IQSEC1: variants seen among roughly 807,000 people sequenced by gnomAD.
IQSEC1 encodes IQ motif and SEC7 domain-containing protein 1.
A neutral mutation model predicts 91.0 loss-of-function variants in IQSEC1; 31 were observed. That is an observed-to-expected ratio of 0.34 (90% confidence interval 0.26 to 0.46). The LOEUF is 0.46. IQSEC1 is among the 20% of genes least tolerant of loss of function. The pLI is 1.00. For synonymous variants in IQSEC1, 699 were observed against 662.6 expected (o/e 1.05, Z -0.84); for missense variants, 1,388 against 1,575.6 (o/e 0.88, Z 2.02).
intron 2 of IQSEC1, among the ~76,000 whole-genome samples, chr3:13,121,809 T>C (rs1039487016): frequency 3.3e-5 from 5 of 152,166 alleles, no homozygotes; most frequent in Non-Finnish European, 5.9e-5. Flanking sequence ...GGCAGTGGGC[T>C]GGGGTCTGAG....
At chr3:13,216,588 G>A (rs969459190) in intron 1 of IQSEC1, among the ~76,000 whole-genome samples, 7 of 152,230 alleles carry the variant, frequency 4.6e-5, no homozygotes, top group Non-Finnish European at 1.5e-5. Context: ...GGGGACCGCA[G>A]GAGGGGCTAG....
chr3:12,944,746 A>G (rs562536389), intron 1 of IQSEC1, among the ~76,000 whole-genome samples: 56 of 152,302 alleles, frequency 3.7e-4, no homozygotes, highest in Admixed American at 2.6e-3. Flanking sequence ...CTAAGTTCAC[A>G]GAAGCACAGA....
At chr3:13,199,522 C>A (rs534091570) in intron 1 of IQSEC1, among the ~76,000 whole-genome samples, 2 of 152,152 alleles carry the variant, frequency 1.3e-5, no homozygotes, top group African/African-American at 4.8e-5. Flanking sequence ...TGAGCAGCAC[C>A]GGTGTCCCTG....
In IQSEC1 at chr3:12,899,297, C is replaced by T. The variant is rs2124952486; in HGVS notation, c.*1686G>A. 3.5e-6 allele frequency: 5 copies of T among 1,422,376 alleles called. No homozygotes were observed. The highest frequency in any genetic ancestry group is 2.4e-5 in the East Asian group (1 of 40,824). The allele number at this position is 1,422,376 out of a possible 1,614,324, so 88.1% of individuals were successfully genotyped here. A position where few individuals can be genotyped will look rare whatever the true frequency, so the allele number is the denominator to read the frequency against. On this transcript the variant is annotated 3_prime_UTR_variant, in exon 14 of 14. Transcript: ENST00000613206. ...CCACGCTGTCCACTGGGAACGCGGC[C>T]CCGCGGCCCGCAGAGTCAGGCGTGA...
At chr3:13,066,412 G>A (rs1001763760) in intron 1 of IQSEC1, among the ~76,000 whole-genome samples, 2 of 152,246 alleles carry the variant, frequency 1.3e-5, no homozygotes, top group Non-Finnish European at 2.9e-5. Flanking sequence ...GTCACAGCGA[G>A]GACTCGCCAC....
rs1039539346 is a variant in IQSEC1 at position 12,994,942 on chromosome 3, G to GGCGGGAGCGCGCCC, written c.24-53091_24-53078dup. The GGCGGGAGCGCGCCC allele has an allele frequency of 6.6e-6, 1 of 152,588 alleles. No homozygotes were observed. Among genetic ancestry groups the GGCGGGAGCGCGCCC allele is most frequent in the Non-Finnish European group, 1.5e-5 (1 of 68,302 alleles). 9.5% of individuals were successfully genotyped at this position (152,588 alleles called of 1,614,324 possible). A position where few individuals can be genotyped will look rare whatever the true frequency, so the allele number is the denominator to read the frequency against. On this transcript the variant is annotated intron_variant, in intron 1 of 13. Coordinates refer to ENST00000613206, the MANE Select transcript of IQSEC1 (RefSeq NM_001134382.3). This position sits in a 1 kb window ranked among gnomAD's most constrained non-coding sequence, Gnocchi z 4.5. ...AGAGGCTGGGCCTGGAAGGGATATG[G>GGCGGGAGCGCGCCC]GCGGGAGCGCGCCCGCGGGGGTGCA...
intron 2 of IQSEC1, among the ~76,000 whole-genome samples, chr3:12,941,121 T>C: frequency 6.6e-6 from 1 of 152,166 alleles, no homozygotes; most frequent in East Asian, 1.9e-4. Flanking sequence ...CCAGAGCTTG[T>C]GATATTTATG....
chr3:13,048,993 G>A (rs553873538), intron 1 of IQSEC1, among the ~76,000 whole-genome samples: 1 of 152,304 alleles, frequency 6.6e-6, no homozygotes, highest in East Asian at 1.9e-4. Flanking sequence ...CATGAGGGGT[G>A]GTGCCAAGAC....
At chr3:12,929,142 G>A (rs1167700498) in intron 3 of IQSEC1, among the ~76,000 whole-genome samples, 4 of 152,180 alleles carry the variant, frequency 2.6e-5, no homozygotes, top group African/African-American at 7.2e-5. Context: ...CTGGCTGGGC[G>A]ACCCAGGGTG....
chr3:12,939,388 T>C (rs371931872), intron 2 of IQSEC1, among the ~76,000 whole-genome samples: 7 of 152,338 alleles, frequency 4.6e-5, no homozygotes, highest in Admixed American at 3.9e-4. Flanking sequence ...CACTCAAGTT[T>C]CCTGCTTCAG....
intron 2 of IQSEC1, among the ~76,000 whole-genome samples, chr3:13,135,213 G>A (rs1365693035): frequency 6.6e-6 from 1 of 152,216 alleles, no homozygotes; most frequent in Non-Finnish European, 1.5e-5. Flanking sequence ...GGCCTCATAA[G>A]CACAGTTCAA....
rs571354666 is a variant in IQSEC1 at position 13,281,486 on chromosome 3, C to G, written c.272+1225G>C. Among the ~76,000 whole-genome samples the G allele has an allele frequency of 1.5e-4, 23 of 152,274 alleles. No homozygotes were observed. In the South Asian group the frequency reaches 4.8e-3, roughly 32 times the overall value. On this transcript the variant is annotated intron_variant, in intron 1 of 15. Transcript: ENST00000648114. The stretch of plus-strand genomic sequence containing the variant: ...GCCATGTATGTGTTCACCCACAGCC[C>G]GACCCCATCCTCACAATGCTCCTCC...
At chr3:13,003,752 T>C (rs150721015) in intron 1 of IQSEC1, among the ~76,000 whole-genome samples, 163 of 152,358 alleles carry the variant, frequency 1.1e-3, no homozygotes, top group African/African-American at 3.7e-3. Context: ...TTTAAGTTAG[T>C]TGTATTTTAG....
chr3:12,997,803 T>G (rs1702278131), intron 1 of IQSEC1, among the ~76,000 whole-genome samples: 1 of 152,228 alleles, frequency 6.6e-6, no homozygotes, highest in Non-Finnish European at 1.5e-5. Context: ...TAGTAGATAT[T>G]TGTGTATCTA....
intron 2 of IQSEC1, among the ~76,000 whole-genome samples, chr3:13,107,484 G>A (rs1227208345): frequency 2.0e-5 from 3 of 152,188 alleles, no homozygotes; most frequent in African/African-American, 4.8e-5. Context: ...ATTACACATG[G>A]AGAAACAGGC....
chr3:13,023,574 T>G (rs373701213), intron 1 of IQSEC1, among the ~76,000 whole-genome samples: 2 of 152,134 alleles, frequency 1.3e-5, no homozygotes, highest in East Asian at 3.9e-4. Context: ...ATCACCTGTC[T>G]GCAGAAACAG....
At chr3:12,934,856 C>T (rs1698023475) in intron 3 of IQSEC1, among the ~76,000 whole-genome samples, 1 of 152,106 alleles carries the variant, frequency 6.6e-6, no homozygotes, top group Non-Finnish European at 1.5e-5. Flanking sequence ...CTCCCCAAGA[C>T]CCCCAGACAC....
chr3:13,076,437 G>A (rs1257065956), upstream of IQSEC1, among the ~76,000 whole-genome samples: 1 of 152,214 alleles, frequency 6.6e-6, no homozygotes, highest in East Asian at 1.9e-4. Context: ...CAGGCTGGCA[G>A]GAACATTCCT....
chr3:12,953,640 C>T (rs1395814659), intron 1 of IQSEC1, among the ~76,000 whole-genome samples: 1 of 152,220 alleles, frequency 6.6e-6, no homozygotes, highest in Non-Finnish European at 1.5e-5. Context: ...AGTCGGGCAG[C>T]AGTCAGCGTA....
Sources: gnomAD v4.1 joint callset for allele counts (sites outside exome capture counted in the v4.1 genomes callset) on GRCh38, gnomAD v4.1.1 for gene constraint, Gnocchi (gnomAD v3.1) non-coding constraint, MANE v1.5 for transcripts, NCBI Gene and HGNC (gene_info 2026-07-23, HGNC 2026-07-21) for gene names.